Variants in EVPL observed in about 807,000 individuals in gnomAD.
EVPL encodes the protein 210 kDa cornified envelope precursor protein.
A neutral mutation model predicts 129.7 loss-of-function variants in EVPL; 94 were observed. The ratio of observed to expected loss-of-function variants is 0.72; its 90% confidence interval spans 0.61 to 0.86. EVPL has a LOEUF of 0.86. EVPL is among the 40% of genes least tolerant of loss of function. The probability of loss-of-function intolerance (pLI) is 0.00; values close to 1 mark genes in which losing one functional copy is unlikely to be tolerated. For missense variants in EVPL, 2,625 were observed against 2,721.1 expected, an observed-to-expected ratio of 0.96 and a Z score of 0.79; for synonymous variants, 1,172 against 1,191.1, an observed-to-expected ratio of 0.98 and a Z score of 0.33.
In EVPL at chr17:76,011,843, C is replaced by T. The variant is rs1275842912; in HGVS notation, c.2497G>A (p.Glu833Lys). ...GGGGCTGACACTGCCAGGGTGGGCT[C>T]CAAAGAGCAGCGGTAGGTGTCTGCC... is the stretch of plus-strand genomic sequence containing the variant. ...LQADTYRCSL[E>K]PTLAVSAPKR... The change falls in exon 20 of 22, where the codon GAG (glutamate) becomes AAG (lysine). Residue 833 changes from glutamate to lysine, a missense_variant. Transcript: ENST00000301607. 4 of 1,613,054 alleles carry T rather than the reference C, an allele frequency of 2.5e-6. No homozygotes were observed. Among genetic ancestry groups the T allele is most frequent in the Non-Finnish European group, 3.4e-6 (4 of 1,179,754 alleles).
chr17:76,013,374 C>T lies in EVPL; in HGVS notation c.2373+1052G>A, dbSNP rs543969124. ...CCAGACCCATCTTTGCTCTCACGAG[C>T]TCCTAGGGGAACCCCCAGCCCCAGT... On this transcript the variant is annotated intron_variant, in intron 18 of 21. Transcript: ENST00000301607. The surrounding 1 kb of genome is among the most constrained non-coding windows in gnomAD (Gnocchi z 4.3). 5.3e-5 allele frequency among the ~76,000 whole-genome samples: 8 copies of T among 152,286 alleles called. No homozygotes were observed. Among genetic ancestry groups the T allele is most frequent in the African/African-American group, 1.9e-4 (8 of 41,556 alleles).
Position 76,008,556 on chromosome 17 carries a change from CGGGCCGTGCGCT to C in EVPL, c.4637_4648del (p.Glu1546_Arg1550delinsGly). On this transcript the variant is annotated inframe_deletion, in exon 22 of 22. Transcript: ENST00000301607. This position sits in a 1 kb window ranked among gnomAD's most constrained non-coding sequence, Gnocchi z 7.4. Reference sequence around the variant, plus strand: ...CCGTGCCTCCTCCTCCCGGGCCTGCCGGGCCGTGCGCTCCCTGTTGAGCATCTCCCACACGCG... The same window carrying C: ...CCGTGCCTCCTCCTCCCGGGCCTGCCCCCTGTTGAGCATCTCCCACACGCG... 3.1e-6 allele frequency: 5 copies of C among 1,609,154 alleles called. No individual in the cohort carries two copies. Among genetic ancestry groups the C allele is most frequent in the Non-Finnish European group, 4.2e-6 (5 of 1,179,838 alleles).
In EVPL at chr17:76,018,184, T is replaced by G. The variant is rs1441996920; in HGVS notation, c.1514A>C (p.Glu505Ala). The G allele has an allele frequency of 1.9e-5, 29 of 1,550,952 alleles. No individual in the cohort carries two copies. The highest frequency in any genetic ancestry group is 2.4e-5 in the Non-Finnish European group (27 of 1,146,890). ...ACCCTGCTGGCTGGGCCGAAGAGACTCCACAGCACTGGCCTTCAGGCGGCT... is the reference window on the plus strand; with the variant it reads ...ACCCTGCTGGCTGGGCCGAAGAGACGCCACAGCACTGGCCTTCAGGCGGCT... ...VQSRLKASAV[E>A]SLRPSQQAPS... The change falls in exon 13 of 22, where the codon GAG becomes GCG. Residue 505 changes from glutamate (E) to alanine (A), a missense_variant. Physicochemically the swap from Glu to Ala is moderately radical, Grantham distance 107. Around this residue, in one of 4 missense-constraint regions of EVPL, gnomAD observed 1,024 missense variants for 997.5 expected, o/e 1.03. Coordinates refer to ENST00000301607, the MANE Select transcript of EVPL (RefSeq NM_001988.4).
At chr17:76,011,515 G>T in intron 21 of EVPL, 61 bp downstream of exon 21, 2 of 1,412,636 alleles carry the variant, frequency 1.4e-6, no homozygotes, top group South Asian at 1.2e-5. Context: ...TTTGGGAATG[G>T]AGTGGGCATT....
chr17:76,007,839 G>A lies in EVPL; in HGVS notation c.5366C>T (p.Ser1789Leu), dbSNP rs770994549. ...GGAGATGATAGAGCCGATGGAGAGT[G>A]AGGAGCTTGGCTTGGTCTCCCCAGC... ...LVAGETKPSSSLSIGSIISKS... is the reference protein window; with the variant it reads ...LVAGETKPSSLLSIGSIISKS... The change falls in exon 22 of 22, where the codon TCA (serine) becomes TTA (leucine). Residue 1789 changes from serine (S) to leucine (L), a missense_variant. By Grantham distance (145) the Ser-to-Leu change is moderately radical. Coordinates refer to ENST00000301607, the MANE Select transcript of EVPL (RefSeq NM_001988.4). The surrounding 1 kb of genome is among the most constrained non-coding windows in gnomAD (Gnocchi z 8.8). 1 of 1,611,978 alleles carries A rather than the reference G, an allele frequency of 6.2e-7. No homozygotes were observed. The highest frequency in any genetic ancestry group is 8.5e-7 in the Non-Finnish European group (1 of 1,178,368).
rs1016789484 is a variant in EVPL at position 76,024,309 on chromosome 17, G to A, written c.99-189C>T. Among the ~76,000 whole-genome samples, 1 of 152,184 alleles carries A rather than the reference G, an allele frequency of 6.6e-6. No homozygotes were observed. Among genetic ancestry groups the A allele is most frequent in the Admixed American group, 6.5e-5 (1 of 15,282 alleles). On this transcript the variant is annotated intron_variant, in intron 1 of 21. Coordinates refer to ENST00000301607, the MANE Select transcript of EVPL (RefSeq NM_001988.4). This position sits in a 1 kb window ranked among gnomAD's most constrained non-coding sequence, Gnocchi z 4.5. ...TGGTTGGGGGTGTTAGCACTGCCCC[G>A]CCACATGAGGGGTCAAAAGGTGAGG...
intron 1 of EVPL, among the ~76,000 whole-genome samples, 190 bp downstream of exon 1, chr17:76,026,911 G>T (rs531131273): frequency 3.9e-5 from 6 of 152,384 alleles, no homozygotes; most frequent in Non-Finnish European, 5.9e-5. Context: ...GCTGAAGTTC[G>T]GCCTGGGCCT....
chr17:76,025,788 G>T (rs1415330506), intron 1 of EVPL, among the ~76,000 whole-genome samples: 1 of 152,236 alleles, frequency 6.6e-6, no homozygotes, highest in Non-Finnish European at 1.5e-5. Flanking sequence ...ACCCAGGCGG[G>T]CTGCTGCCTC....
At chr17:76,011,375 C>G in intron 21 of EVPL, 1 of 608,648 alleles carries the variant, frequency 1.6e-6, no homozygotes. Flanking sequence ...TGGACACCAG[C>G]CTGTAAGAGC....
At chr17:76,021,424 C>T (rs758755710) in intron 9 of EVPL, 44 bp downstream of exon 9, 1 of 1,557,322 alleles carries the variant, frequency 6.4e-7, no homozygotes, top group South Asian at 1.2e-5. Context: ...GCCCCTGCCG[C>T]CCCTGCCGCC....
Position 76,022,053 on chromosome 17 carries a change from A to C in EVPL, c.646-25T>G. 6.4e-7 allele frequency: 1 copy of C among 1,554,874 alleles called. No homozygotes were observed. Among genetic ancestry groups the C allele is most frequent in the East Asian group, 2.3e-5 (1 of 43,464 alleles). On this transcript the variant is annotated intron_variant, in intron 6 of 21. Transcript: ENST00000301607. This position sits in a 1 kb window ranked among gnomAD's most constrained non-coding sequence, Gnocchi z 5.6. ...TCTGTGCTCAGGACCCGCCGCCAGC[A>C]GCAGGGTGGGGAGACAGAAAGTGGG...
At chr17:76,014,726 G>C (rs765124916) in intron 17 of EVPL, 150 bp from the exon 18 acceptor site, 68 of 1,233,610 alleles carry the variant, frequency 5.5e-5, no homozygotes, top group Non-Finnish European at 7.2e-5. Context: ...CTGACCCTGG[G>C]AATTCAGAGA....
rs371913759 is a variant in EVPL, at chr17:76,014,360, C to T, written c.2373+66G>A. The T allele has an allele frequency of 4.7e-5, 72 of 1,535,926 alleles. No homozygotes were observed. In the East Asian group the frequency reaches 6.9e-4, roughly 15 times the overall value. ...GCCTGGGCTTTGAAGCCCCTTAGAGCGCTTCTGAGCTTTGGCCACTAGGGG... is the reference window on the plus strand; with the variant it reads ...GCCTGGGCTTTGAAGCCCCTTAGAGTGCTTCTGAGCTTTGGCCACTAGGGG... On this transcript the variant is annotated intron_variant, in intron 18 of 21. Transcript: ENST00000301607.
chr17:76,012,159 C>A, intron 18 of EVPL, 70 bp from the exon 19 acceptor site: 2 of 1,199,250 alleles, frequency 1.7e-6, no homozygotes, highest in Non-Finnish European at 2.4e-6. Flanking sequence ...CTAGCCAGTG[C>A]CTCCAGGGCC....
chr17:76,011,963 G>A (rs2066380629), intron 19 of EVPL, 43 bp downstream of exon 19: 1 of 1,602,172 alleles, frequency 6.2e-7, no homozygotes. Flanking sequence ...AGAGGGACAA[G>A]GGTGATGCAT....
rs757087529 is a variant in EVPL at position 76,010,321 on chromosome 17, A to G, written c.2884T>C (p.Phe962Leu). The change falls in exon 22 of 22, where the codon TTC becomes CTC. Residue 962 changes from phenylalanine (F) to leucine (L), a missense_variant. Around this residue, in one of 4 missense-constraint regions of EVPL, gnomAD observed 1,453 missense variants for 1,511.8 expected, o/e 0.96. Coordinates refer to ENST00000301607, the MANE Select transcript of EVPL (RefSeq NM_001988.4). ...ERLEEKEVVE[F>L]YRDPQLEGSL... ...CCCTCCAGCTGGGGGTCCCGGTAGA[A>G]CTCTACCACTTCCTTCTCCTCCAGC... 6.2e-7 allele frequency: 1 copy of G among 1,612,880 alleles called. No individual in the cohort carries two copies. Among genetic ancestry groups the G allele is most frequent in the East Asian group, 2.2e-5 (1 of 44,810 alleles).
At position 76,019,045 on chromosome 17, in the gene EVPL, G is replaced by C. The variant is rs760576316; in HGVS notation, c.1153C>G (p.Leu385Val). ...LQQLEAEEKR[L>V]AVTERATGDL... ...CCAGTGGCCCTCTCGGTGACGGCCA[G>C]CCGTTTTTCCTCTGCCTGCCGGGGG... Residue 385 changes from leucine (L) to valine (V), a missense_variant, in exon 11 of 22, where the codon CTG becomes GTG. Around this residue, in one of 4 missense-constraint regions of EVPL, gnomAD observed 1,024 missense variants for 997.5 expected, o/e 1.03. Transcript: ENST00000301607. 6.3e-7 allele frequency: 1 copy of C among 1,577,342 alleles called. No individual in the cohort carries two copies. Among genetic ancestry groups the C allele is most frequent in the South Asian group, 1.1e-5 (1 of 87,258 alleles).
At position 76,020,614 on chromosome 17, in the gene EVPL, GT is replaced by G. The variant is rs10696274; in HGVS notation, c.1011+853del. 5.5e-3 allele frequency among the ~76,000 whole-genome samples: 824 copies of G among 148,692 alleles called. 7 individuals are homozygous for G. The highest frequency in any genetic ancestry group is 0.018 in the African/African-American group (728 of 40,522). On this transcript the variant is annotated intron_variant, in intron 9 of 21. Coordinates refer to ENST00000301607, the MANE Select transcript of EVPL (RefSeq NM_001988.4). The stretch of plus-strand genomic sequence containing the variant: ...CATATTATATCAGGGTTTCTCAACC[GT>G]TTTTTTTTTCATTATTATTCTCCTA...
intron 1 of EVPL, among the ~76,000 whole-genome samples, chr17:76,025,731 C>T (rs1204726506): frequency 6.6e-6 from 1 of 152,238 alleles, no homozygotes; most frequent in East Asian, 1.9e-4. Flanking sequence ...TGGGCACCCC[C>T]ACTCCCACAC....
Sources: allele counts gnomAD v4.1 joint callset (sites outside exome capture counted in the v4.1 genomes callset), GRCh38; gene constraint gnomAD v4.1.1; regional missense constraint gnomAD v4.1.1; non-coding constraint Gnocchi (gnomAD v3.1); transcripts MANE v1.5; gene names NCBI Gene and HGNC (gene_info 2026-07-23, HGNC 2026-07-21).